Variants in TCF12 observed in about 807,000 individuals in gnomAD.
The protein encoded by TCF12 is transcription factor 12.
A neutral mutation model predicts 86.0 loss-of-function variants in TCF12; 45 were observed. The observed-to-expected ratio is 0.52, with a 90% CI of 0.41 to 0.67. TCF12 has a LOEUF of 0.67. TCF12 is among the 30% of genes least tolerant of loss of function. TCF12 has a pLI of 0.00. For missense variants in TCF12, 881 were observed against 859.9 expected (o/e 1.02, Z -0.31); for synonymous variants, 330 against 299.6 (o/e 1.10, Z -1.05).
intron 5 of TCF12, among the ~76,000 whole-genome samples, chr15:57,151,070 T>G (rs1185733041): frequency 6.6e-6 from 1 of 151,708 alleles, no homozygotes; most frequent in African/African-American, 2.4e-5. Flanking sequence ...CCTTGAACTA[T>G]TGGATCAAGT....
intron 3 of TCF12, among the ~76,000 whole-genome samples, chr15:56,983,733 G>T (rs1887281263): frequency 6.6e-6 from 1 of 151,926 alleles, no homozygotes; most frequent in South Asian, 2.1e-4. Context: ...AGGCACGGTG[G>T]CTCAAACCTG....
intron 3 of TCF12, among the ~76,000 whole-genome samples, chr15:56,958,488 T>TA (rs1188561157): frequency 6.6e-6 from 1 of 152,142 alleles, no homozygotes; most frequent in Non-Finnish European, 1.5e-5. Flanking sequence ...TTAAATTAGT[T>TA]AAAAAAATGC....
intron 5 of TCF12, among the ~76,000 whole-genome samples, chr15:57,106,394 A>G (rs2050134908): frequency 6.6e-6 from 1 of 152,244 alleles, no homozygotes; most frequent in African/African-American, 2.4e-5. Context: ...TTTTCTATAA[A>G]TGTAAAATTA....
At chr15:57,016,830 G>A (rs1399483849) in intron 3 of TCF12, among the ~76,000 whole-genome samples, 2 of 152,080 alleles carry the variant, frequency 1.3e-5, no homozygotes, top group Admixed American at 6.6e-5. Context: ...GGGCAGGTAT[G>A]TTTACTGTGT....
chr15:56,996,741 A>G (rs1336613653), intron 3 of TCF12, among the ~76,000 whole-genome samples: 3 of 152,224 alleles, frequency 2.0e-5, no homozygotes, highest in Non-Finnish European at 4.4e-5. Context: ...TATGCATCCA[A>G]CAAGGTCTAA....
intron 8 of TCF12, chr15:57,219,227 A>G (rs1415473032): frequency 1.8e-6 from 2 of 1,121,088 alleles, no homozygotes; most frequent in Admixed American, 9.3e-5. Flanking sequence ...TATTCAGGGC[A>G]TATTTATTTA....
At chr15:57,037,168 C>T (rs902684064) in intron 3 of TCF12, among the ~76,000 whole-genome samples, 6 of 152,180 alleles carry the variant, frequency 3.9e-5, no homozygotes, top group Non-Finnish European at 7.4e-5. Flanking sequence ...GTATAAGGGG[C>T]TCGAGCACGG....
chr15:57,190,150 A>G (rs777884308), intron 6 of TCF12, among the ~76,000 whole-genome samples: 6 of 152,188 alleles, frequency 3.9e-5, no homozygotes, highest in Non-Finnish European at 7.3e-5. Flanking sequence ...TCTGAAACCT[A>G]GAGAGGTGAT....
In TCF12 at chr15:57,276,968, TTA is replaced by T. The variant is rs555754929; in HGVS notation, c.1978+3707_1978+3708del. Among the ~76,000 whole-genome samples the T allele has an allele frequency of 1.8e-4, 27 of 151,806 alleles. No individual in the cohort carries two copies. The East Asian group carries it at 5.1e-3, about 28-fold the overall frequency. ...TACAGGCACGCATCACCATGCCCAG[TTA>T]ATTTTTTGTATTTTTAGTAGAGACA... On this transcript the variant is annotated intron_variant, in intron 19 of 20. Transcript: ENST00000333725.
intron 3 of TCF12, among the ~76,000 whole-genome samples, chr15:56,967,125 G>A (rs759123175): frequency 4.9e-5 from 7 of 142,888 alleles, no homozygotes; most frequent in South Asian, 2.2e-4. Context: ...CGGTCCCCCC[G>A]TGCCCTTCCC....
chr15:57,219,382 T>G (rs976353216), intron 8 of TCF12: 58 of 1,322,136 alleles, frequency 4.4e-5, no homozygotes, highest in Non-Finnish European at 2.9e-5. Flanking sequence ...GGTTCAGTCC[T>G]ATTTTGCATA....
At chr15:56,960,966 C>A (rs1054185366) in intron 3 of TCF12, among the ~76,000 whole-genome samples, 1 of 151,482 alleles carries the variant, frequency 6.6e-6, no homozygotes, top group African/African-American at 2.4e-5. Context: ...CTGGTGAAAC[C>A]CTGTCTCTAC....
chr15:57,097,895 C>T (rs1180775345), intron 5 of TCF12, among the ~76,000 whole-genome samples: 2 of 151,938 alleles, frequency 1.3e-5, no homozygotes, highest in African/African-American at 2.4e-5. Flanking sequence ...ATGGCTCACC[C>T]CTGTAATCCC....
rs772017756 is a variant in TCF12 at position 57,251,340 on chromosome 15, G to A, written c.1115-10G>A. 13 of 1,613,660 alleles carry A rather than the reference G, an allele frequency of 8.1e-6. No homozygotes were observed. The Admixed American group carries it at 8.3e-5, about 10-fold the overall frequency. On this transcript the variant is annotated splice_polypyrimidine_tract_variant and intron_variant, in intron 13 of 20. Coordinates refer to ENST00000333725, the MANE Select transcript of TCF12 (RefSeq NM_207037.2). ...AACCCAGGTGTGTGGCTACTTTTGGGTTTTAACAGGTACCAGTCAGTGGCC... is the reference window on the plus strand; with the variant it reads ...AACCCAGGTGTGTGGCTACTTTTGGATTTTAACAGGTACCAGTCAGTGGCC...
chr15:57,041,007 T>C (rs1249021066), intron 3 of TCF12, among the ~76,000 whole-genome samples: 4 of 152,202 alleles, frequency 2.6e-5, no homozygotes, highest in Non-Finnish European at 5.9e-5. Context: ...CTGATTAACT[T>C]ATGTGAATCT....
chr15:57,277,684 C>G (rs1004162738), intron 19 of TCF12, among the ~76,000 whole-genome samples: 5 of 151,374 alleles, frequency 3.3e-5, no homozygotes, highest in Admixed American at 1.3e-4. Flanking sequence ...TGCCTGTAAT[C>G]CCAGCACAGT....
chr15:57,151,679 C>T (rs375459211), intron 5 of TCF12, among the ~76,000 whole-genome samples: 294 of 151,778 alleles, frequency 1.9e-3, no homozygotes, highest in African/African-American at 6.5e-3. Context: ...GCAGGAGAAT[C>T]GTTTGAACCC....
intron 3 of TCF12, among the ~76,000 whole-genome samples, chr15:56,941,728 T>C (rs1477522899): frequency 1.3e-5 from 2 of 151,474 alleles, no homozygotes; most frequent in Admixed American, 6.6e-5. Context: ...TGCTCTGATA[T>C]GGAGAGACCT....
At chr15:57,243,283 T>A (rs1196826157) in intron 12 of TCF12, among the ~76,000 whole-genome samples, 189 bp from the exon 13 acceptor site, 1 of 152,214 alleles carries the variant, frequency 6.6e-6, no homozygotes, top group Non-Finnish European at 1.5e-5. Flanking sequence ...AGACTATATA[T>A]ACTTTTTAAT....
Sources: allele counts gnomAD v4.1 joint callset (sites outside exome capture counted in the v4.1 genomes callset), GRCh38; gene constraint gnomAD v4.1.1; transcripts MANE v1.5; gene names NCBI Gene and HGNC (gene_info 2026-07-23, HGNC 2026-07-21).